The following ADGRG2 variants were observed in gnomAD, a reference collection of about 807,000 sequenced individuals.
ADGRG2 encodes adhesion G protein-coupled receptor G2.
ADGRG2 carries 26 observed loss-of-function variants against 74.1 expected under a neutral mutation model. The ratio of observed to expected loss-of-function variants is 0.35; its 90% CI spans 0.26 to 0.49. The LOEUF (loss-of-function observed/expected upper bound fraction) is 0.49. ADGRG2 is among the 20% of genes least tolerant of loss of function. The probability of loss-of-function intolerance (pLI) is 0.99; values close to 1 mark genes in which losing one functional copy is unlikely to be tolerated. For missense variants in ADGRG2, 619 were observed against 763.1 expected (o/e 0.81, Z 2.22); for synonymous variants, 296 against 295.2 (o/e 1.00, Z -0.03).
chrX:19,003,225 C>T (rs1179253819), intron 23 of ADGRG2, 111 bp from the exon 24 acceptor site: 2 of 538,014 alleles, frequency 3.7e-6, no homozygotes, highest in Non-Finnish European at 3.1e-6. Context: ...AGTGCAGTAG[C>T]GTGATCTCAG....
intron 1 of ADGRG2, among the ~76,000 whole-genome samples, chrX:19,114,729 G>C (rs953628869): frequency 1.2e-4 from 13 of 111,594 alleles, no homozygotes; most frequent in African/African-American, 3.9e-4. Context: ...ATCACCTCCA[G>C]TTGAGAACCA....
At chrX:19,100,824 C>T (rs1031485800) in intron 1 of ADGRG2, among the ~76,000 whole-genome samples, 2 of 112,672 alleles carry the variant, frequency 1.8e-5, no homozygotes, top group Non-Finnish European at 3.7e-5. Flanking sequence ...CAAATCTATG[C>T]CAAGTAAAAA....
chrX:19,059,673 G>A (rs2061456610), intron 3 of ADGRG2, among the ~76,000 whole-genome samples: 1 of 103,595 alleles, frequency 9.7e-6, no homozygotes, highest in Non-Finnish European at 2.0e-5. Context: ...CTATGTAGTA[G>A]TACTAAAGAA....
intron 4 of ADGRG2, among the ~76,000 whole-genome samples, chrX:19,038,423 C>T (rs1332332962): frequency 8.9e-6 from 1 of 112,054 alleles, no homozygotes; most frequent in Non-Finnish European, 1.9e-5. Flanking sequence ...CTGAAACACA[C>T]ACACCCTGTC....
intron 3 of ADGRG2, among the ~76,000 whole-genome samples, chrX:19,051,275 C>T (rs902952299): frequency 2.3e-4 from 25 of 110,960 alleles, no homozygotes; most frequent in Admixed American, 5.7e-4. Context: ...AGGGTTTCAC[C>T]GTGTTAGCCA....
intron 2 of ADGRG2, among the ~76,000 whole-genome samples, chrX:19,069,272 C>T (rs1366623431): frequency 9.0e-6 from 1 of 111,563 alleles, no homozygotes. Flanking sequence ...TTCACAGGTG[C>T]GATCATAGTA....
chrX:19,006,360 G>A (rs1322338839), intron 20 of ADGRG2, 95 bp from the exon 21 acceptor site: 3 of 622,098 alleles, frequency 4.8e-6, no homozygotes, highest in Non-Finnish European at 7.7e-6. Context: ...AAAAACTGTG[G>A]TTTTTTTTAA....
intron 1 of ADGRG2, among the ~76,000 whole-genome samples, chrX:19,104,637 G>C (rs755742496): frequency 8.9e-6 from 1 of 111,777 alleles, no homozygotes; most frequent in Non-Finnish European, 1.9e-5. Flanking sequence ...ACTCTGCTGG[G>C]TGTGGTGGCT....
At position 18,999,154 on chromosome X, in the gene ADGRG2, T is replaced by C; in HGVS notation, c.2456A>G (p.Lys819Arg). The C allele has an allele frequency of 8.3e-7, 1 of 1,211,149 alleles. No individual in the cohort carries two copies. The highest frequency in any genetic ancestry group is 1.8e-5 in the South Asian group (1 of 56,958). The change falls in exon 26 of 29, where the codon AAG (lysine) becomes AGG (arginine). Residue 819 changes from lysine (K) to arginine (R), a missense_variant. By Grantham distance (26) the Lys-to-Arg change is conservative. This residue lies in a region of ADGRG2 where 221 missense variants were observed against 340.6 expected (regional missense o/e 0.65). Transcript: ENST00000379869. ...LVQLCRIKKK[K>R]QLGAQRKTSI... ...GGTTTTTCGCTGGGCTCCCAGTTGC[T>C]TCTTCTTTTTAATTCGACAGAGCTG...
intron 1 of ADGRG2, among the ~76,000 whole-genome samples, chrX:19,120,479 C>G (rs2062592322): frequency 8.9e-6 from 1 of 111,904 alleles, no homozygotes; most frequent in South Asian, 3.7e-4. Context: ...ACCATGCATG[C>G]CTGGGTATGC....
At chrX:19,053,974 C>T (rs770032595) in intron 3 of ADGRG2, among the ~76,000 whole-genome samples, 20 of 111,255 alleles carry the variant, frequency 1.8e-4, no homozygotes, top group East Asian at 1.1e-3. Context: ...TGGGGGAAAC[C>T]GCTCCCGTTA....
chrX:19,026,219 G>C (rs1349337860), intron 11 of ADGRG2, among the ~76,000 whole-genome samples: 2 of 112,371 alleles, frequency 1.8e-5, no homozygotes, highest in Non-Finnish European at 3.8e-5. Flanking sequence ...CATAAGAAGA[G>C]GGATTTGTTT....
intron 3 of ADGRG2, among the ~76,000 whole-genome samples, chrX:19,056,456 G>A (rs2061412053): frequency 9.0e-6 from 1 of 111,564 alleles, no homozygotes; most frequent in African/African-American, 3.3e-5. Flanking sequence ...CCTAGCGAAT[G>A]TTCATATCGT....
intron 26 of ADGRG2, among the ~76,000 whole-genome samples, chrX:18,996,999 G>A (rs2148098530): frequency 8.9e-6 from 1 of 111,832 alleles, no homozygotes; most frequent in African/African-American, 3.2e-5. Context: ...GAAGTGGGAG[G>A]ATCACTTGAA....
chrX:19,066,513 T>C (rs772219728), intron 3 of ADGRG2, among the ~76,000 whole-genome samples: 1 of 93,544 alleles, frequency 1.1e-5, no homozygotes, highest in African/African-American at 4.1e-5. Flanking sequence ...TGGACTGCAC[T>C]GGTATGGTCA....
chrX:19,068,558 T>G (rs770364993), intron 3 of ADGRG2, among the ~76,000 whole-genome samples, 159 bp downstream of exon 3: 3 of 111,365 alleles, frequency 2.7e-5, no homozygotes, highest in Non-Finnish European at 3.8e-5. Context: ...TTACACAAAA[T>G]TGTGAATGTA....
chrX:19,065,261 C>CAAAAAAAAA (rs749063279), intron 3 of ADGRG2, among the ~76,000 whole-genome samples: 3 of 11,147 alleles, frequency 2.7e-4, no homozygotes, highest in African/African-American at 3.2e-4. Context: ...GATCCTGTCT[C>CAAAAAAAAA]AAAAAAAAAA....
intron 3 of ADGRG2, among the ~76,000 whole-genome samples, chrX:19,040,576 T>C (rs1241396635): frequency 8.9e-6 from 1 of 112,501 alleles, no homozygotes; most frequent in East Asian, 2.8e-4. Flanking sequence ...TAATTTACTA[T>C]TATTTTCAAC....
chrX:19,100,528 G>T (rs936861667), intron 1 of ADGRG2, among the ~76,000 whole-genome samples: 2 of 113,010 alleles, frequency 1.8e-5, no homozygotes, highest in African/African-American at 6.4e-5. Flanking sequence ...AACCCCTCAC[G>T]GCTTCCTGTG....
Sources: allele counts gnomAD v4.1 joint callset (sites outside exome capture counted in the v4.1 genomes callset), GRCh38; gene constraint gnomAD v4.1.1; regional missense constraint gnomAD v4.1.1; transcripts MANE v1.5; gene names NCBI Gene and HGNC (gene_info 2026-07-23, HGNC 2026-07-21).